Variants in CDH4 observed in about 807,000 individuals in gnomAD.
CDH4 encodes the protein cadherin-4.
Under a neutral mutation model 86.0 loss-of-function variants are expected in CDH4, and 33 were observed. The observed-to-expected ratio is 0.38, with a 90% confidence interval of 0.29 to 0.51. The LOEUF (loss-of-function observed/expected upper bound fraction) is 0.51. Among genes scored for constraint, CDH4 ranks in the 20% least tolerant of loss-of-function variants. CDH4 has a pLI of 0.86. For synonymous variants in CDH4, 555 were observed against 549.4 expected, an observed-to-expected ratio of 1.01 and a Z score of -0.14; for missense variants, 1,114 against 1,307.4, an observed-to-expected ratio of 0.85 and a Z score of 2.28.
intron 2 of CDH4, among the ~76,000 whole-genome samples, chr20:61,425,221 A>C (rs1249621857): frequency 1.3e-5 from 2 of 152,212 alleles, no homozygotes; most frequent in Non-Finnish European, 2.9e-5. Flanking sequence ...AGGCATGGCC[A>C]ACCCTCACCC....
At chr20:61,523,635 T>C (rs1009068814) in intron 2 of CDH4, among the ~76,000 whole-genome samples, 2 of 152,184 alleles carry the variant, frequency 1.3e-5, no homozygotes, top group African/African-American at 2.4e-5. Context: ...CCCGGGGCTT[T>C]CTCCCAGCTA....
chr20:61,405,927 G>A (rs764887586), intron 2 of CDH4, among the ~76,000 whole-genome samples: 6 of 152,120 alleles, frequency 3.9e-5, no homozygotes, highest in Non-Finnish European at 4.4e-5. Flanking sequence ...TGATCCATCC[G>A]CCTCGGCCTC....
At chr20:61,732,020 A>G (rs1025688095) in intron 2 of CDH4, among the ~76,000 whole-genome samples, 4 of 152,166 alleles carry the variant, frequency 2.6e-5, no homozygotes, top group Non-Finnish European at 4.4e-5. Flanking sequence ...CCTTGGACTC[A>G]GACTCTGTCC....
At chr20:61,740,159 T>G (rs1298434104) in intron 2 of CDH4, among the ~76,000 whole-genome samples, 4 of 152,154 alleles carry the variant, frequency 2.6e-5, no homozygotes, top group African/African-American at 9.7e-5. Flanking sequence ...TGTCTCAGCA[T>G]TGTTAGAAAA....
rs979594851 is a variant in CDH4, at chr20:61,684,854, A to T, written c.170-58709A>T. On this transcript the variant is annotated intron_variant, in intron 2 of 15. Coordinates refer to ENST00000614565, the MANE Select transcript of CDH4 (RefSeq NM_001794.5). This position sits in a 1 kb window ranked among gnomAD's most constrained non-coding sequence, Gnocchi z 4.5. ...TCCTGAAGCTTCAAACACACAATTC[A>T]TCTGTAAATATTTGCTCACTCTATT... Among the ~76,000 whole-genome samples, 1 of 152,156 alleles carries T rather than the reference A, an allele frequency of 6.6e-6. No homozygotes were observed. Among genetic ancestry groups the T allele is most frequent in the Non-Finnish European group, 1.5e-5 (1 of 68,036 alleles).
At chr20:61,321,116 A>G (rs1322992735) in intron 2 of CDH4, among the ~76,000 whole-genome samples, 1 of 152,192 alleles carries the variant, frequency 6.6e-6, no homozygotes, top group African/African-American at 2.4e-5. Flanking sequence ...GCCACACCGC[A>G]CATTTCCACC....
rs187736401 is a variant in CDH4, at chr20:61,594,145, G to A, written c.170-149418G>A. Among the ~76,000 whole-genome samples the A allele has an allele frequency of 2.0e-4, 18 of 89,156 alleles. No homozygotes were observed. The East Asian group carries it at 6.9e-3, about 34-fold the overall frequency. The allele number at this position is 89,156 out of a possible 152,430, so 58.5% of individuals were successfully genotyped here. On this transcript the variant is annotated intron_variant, in intron 2 of 15. Coordinates refer to ENST00000614565, the MANE Select transcript of CDH4 (RefSeq NM_001794.5). ...AAAGAGGGAGGGGGAGGTGAGCTGG[G>A]GGGAAGAGGGTTGGGGAAAGAGGGG...
intron 7 of CDH4, among the ~76,000 whole-genome samples, chr20:61,878,853 A>G (rs1293454484): frequency 6.6e-6 from 1 of 152,260 alleles, no homozygotes; most frequent in East Asian, 1.9e-4. Context: ...GGAAGCTGCC[A>G]AAGACTCGGC....
At chr20:61,866,514 C>T (rs147213696) in intron 6 of CDH4, among the ~76,000 whole-genome samples, 1 of 152,294 alleles carries the variant, frequency 6.6e-6, no homozygotes, top group African/African-American at 2.4e-5. Flanking sequence ...GTAGCTTTTG[C>T]ACATTTGACA....
intron 2 of CDH4, among the ~76,000 whole-genome samples, chr20:61,262,523 A>G (rs1193816427): frequency 6.6e-6 from 1 of 152,164 alleles, no homozygotes; most frequent in African/African-American, 2.4e-5. Context: ...GTAAGCTTCC[A>G]AGACCTGTGG....
At chr20:61,787,094 TC>T (rs1978919594) in intron 4 of CDH4, among the ~76,000 whole-genome samples, 3 of 148,232 alleles carry the variant, frequency 2.0e-5, no homozygotes, top group Admixed American at 6.8e-5. Flanking sequence ...TATCCATCCA[TC>T]CATCATCCAT....
In CDH4 at chr20:61,252,589, C is replaced by G; in HGVS notation, c.57+19C>G. 4 of 1,200,506 alleles carry G rather than the reference C, an allele frequency of 3.3e-6. No individual in the cohort carries two copies. The highest frequency in any genetic ancestry group is 3.1e-6 in the Non-Finnish European group (3 of 966,704). The allele number at this position is 1,200,506 out of a possible 1,614,324, so 74.4% of individuals were successfully genotyped here. On this transcript the variant is annotated intron_variant, in intron 1 of 15. Transcript: ENST00000614565. The surrounding 1 kb of genome is among the most constrained non-coding windows in gnomAD (Gnocchi z 4.4). ...GCTCCGGGTAAGTTGCCGCCTCCCG[C>G]CCCCGCCGTTCGGAAGCCCCGGGCA...
chr20:61,768,856 A>T (rs1223337297), intron 3 of CDH4, among the ~76,000 whole-genome samples: 1 of 152,242 alleles, frequency 6.6e-6, no homozygotes, highest in Admixed American at 6.5e-5. Flanking sequence ...TAGGGAAATT[A>T]ACGCCATACA....
At chr20:61,532,046 G>GC (rs1444224303) in intron 2 of CDH4, among the ~76,000 whole-genome samples, 3 of 152,246 alleles carry the variant, frequency 2.0e-5, no homozygotes, top group Non-Finnish European at 4.4e-5. Flanking sequence ...CCTGTTGCCG[G>GC]CCCTCAGGCT....
At chr20:61,461,341 G>A (rs1204125911) in intron 2 of CDH4, among the ~76,000 whole-genome samples, 1 of 152,190 alleles carries the variant, frequency 6.6e-6, no homozygotes, top group Non-Finnish European at 1.5e-5. Flanking sequence ...TTAATTGTCA[G>A]TTGTGCAGGG....
chr20:61,629,115 G>A (rs1259928627), intron 2 of CDH4, among the ~76,000 whole-genome samples: 1 of 152,260 alleles, frequency 6.6e-6, no homozygotes, highest in African/African-American at 2.4e-5. Context: ...CCCCAGAGCA[G>A]CTGCCACTTT....
intron 2 of CDH4, among the ~76,000 whole-genome samples, chr20:61,572,042 C>T (rs1007576042): frequency 1.3e-5 from 2 of 152,066 alleles, no homozygotes; most frequent in Non-Finnish European, 2.9e-5. Context: ...AGGCCCTTCC[C>T]GCGTGAGTGA....
chr20:61,788,490 C>T (rs964128194), intron 4 of CDH4, among the ~76,000 whole-genome samples: 5 of 152,140 alleles, frequency 3.3e-5, no homozygotes, highest in Non-Finnish European at 7.3e-5. Flanking sequence ...AGCTCCCTTC[C>T]GGCACCCAGA....
At chr20:61,804,223 C>T (rs554363655) in intron 4 of CDH4, among the ~76,000 whole-genome samples, 2 of 152,342 alleles carry the variant, frequency 1.3e-5, no homozygotes, top group African/African-American at 4.8e-5. Flanking sequence ...GGAGATTCGC[C>T]CTCAGGTGAG....
Sources: gnomAD v4.1 joint callset for allele counts (sites outside exome capture counted in the v4.1 genomes callset) on GRCh38, gnomAD v4.1.1 for gene constraint, Gnocchi (gnomAD v3.1) non-coding constraint, MANE v1.5 for transcripts, NCBI Gene and HGNC (gene_info 2026-07-23, HGNC 2026-07-21) for gene names.